Variants in CFAP61 observed in about 807,000 individuals in gnomAD.
CFAP61 encodes cilia- and flagella-associated protein 61.
Under a neutral mutation model 135.6 loss-of-function variants are expected in CFAP61, and 107 were observed. That is an observed-to-expected ratio of 0.79 (90% CI 0.67 to 0.93). CFAP61 has a LOEUF of 0.93. CFAP61 is among the 40% of genes least tolerant of loss of function. The pLI is 0.00. For missense variants in CFAP61, 1,507 were observed against 1,556.2 expected, an observed-to-expected ratio of 0.97 and a Z score of 0.53; for synonymous variants, 575 against 578.5, an observed-to-expected ratio of 0.99 and a Z score of 0.09.
chr20:20,263,157 CT>C, intron 21 of CFAP61, 27 bp downstream of exon 21: 7 of 1,551,230 alleles, frequency 4.5e-6, no homozygotes, highest in Non-Finnish European at 6.2e-6. Flanking sequence ...CTGTGCATCT[CT>C]TCAGAATAGC....
intron 23 of CFAP61, among the ~76,000 whole-genome samples, chr20:20,289,579 C>T (rs2054853688): frequency 6.6e-6 from 1 of 152,118 alleles, no homozygotes; most frequent in Non-Finnish European, 1.5e-5. Context: ...TAGATGAACC[C>T]ACAAAGCTGT....
Position 20,246,092 on chromosome 20 carries a change from C to T in CFAP61, c.2061-25C>T, listed in dbSNP as rs200739365. Reference sequence around the variant, plus strand: ...GCTAAATTGCACTTAACTGCTTGTTCTTTTTCATTTTTCTTTTTCTTTAGC... The same window carrying T: ...GCTAAATTGCACTTAACTGCTTGTTTTTTTTCATTTTTCTTTTTCTTTAGC... On this transcript the variant is annotated intron_variant, in intron 18 of 26. Transcript: ENST00000245957. The T allele has an allele frequency of 3.3e-3, 4,847 of 1,473,984 alleles. 16 individuals carry two copies. The highest frequency in any genetic ancestry group is 4.2e-3 in the Non-Finnish European group (4,424 of 1,062,352). The allele number at this position is 1,473,984 out of a possible 1,614,324, so 91.3% of individuals were successfully genotyped here.
intron 6 of CFAP61, among the ~76,000 whole-genome samples, chr20:20,085,694 T>C (rs985078933): frequency 1.3e-5 from 2 of 152,242 alleles, no homozygotes; most frequent in African/African-American, 4.8e-5. Flanking sequence ...CAGTTGATTG[T>C]GTGTGATTGC....
chr20:20,360,577 C>T lies in CFAP61; in HGVS notation c.*167C>T. The T allele has an allele frequency of 1.6e-6, 1 of 624,008 alleles. No individual in the cohort carries two copies. Among genetic ancestry groups the T allele is most frequent in the South Asian group, 2.0e-5 (1 of 50,160 alleles). The allele number at this position is 624,008 out of a possible 1,614,324, so 38.7% of individuals were successfully genotyped here. ...ACTTATGCCTGTAGTTTTCTATCAT[C>T]CCAGTAGGTGGCACACGGCCGTGTG... On this transcript the variant is annotated 3_prime_UTR_variant, in exon 27 of 27. Transcript: ENST00000245957.
intron 8 of CFAP61, among the ~76,000 whole-genome samples, chr20:20,140,801 T>G (rs540223760): frequency 1.3e-5 from 2 of 151,976 alleles, no homozygotes; most frequent in Non-Finnish European, 2.9e-5. Context: ...TAGCAAAGAC[T>G]TGGAACCAAC....
chr20:20,214,867 GT>G (rs1324389305), intron 17 of CFAP61, among the ~76,000 whole-genome samples: 8 of 152,210 alleles, frequency 5.3e-5, no homozygotes, highest in African/African-American at 1.9e-4. Context: ...CCTGCTTCCT[GT>G]TTAGGGCGCA....
intron 8 of CFAP61, among the ~76,000 whole-genome samples, chr20:20,138,156 T>C (rs2146737898): frequency 6.6e-6 from 1 of 152,194 alleles, no homozygotes; most frequent in South Asian, 2.1e-4. Flanking sequence ...CACTCCCCTC[T>C]CCTCTTTTCA....
chr20:20,164,171 G>A lies in CFAP61; in HGVS notation c.1148G>A (p.Gly383Glu), dbSNP rs137909316. 2.9e-4 allele frequency: 471 copies of A among 1,614,084 alleles called. No individual in the cohort carries two copies. The highest frequency in any genetic ancestry group is 3.8e-4 in the Non-Finnish European group (451 of 1,179,954). Residue 383 changes from glycine to glutamate, a missense_variant, in exon 11 of 27, where the codon GGA becomes GAA. Physicochemically the swap from Gly to Glu is moderately conservative, Grantham distance 98 (BLOSUM62 -2). Transcript: ENST00000245957. ...EPVHFRPIYR[G>E]ASAAFCIQLF... is the part of the protein sequence containing the mutation. ...GTCCACTTCCGCCCCATCTACAGGG[G>A]AGCCTCAGCTGCTTTTTGTATTCAG...
At chr20:20,249,068 C>T (rs1411057104) in intron 19 of CFAP61, among the ~76,000 whole-genome samples, 1 of 152,158 alleles carries the variant, frequency 6.6e-6, no homozygotes, top group African/African-American at 2.4e-5. Context: ...TCTCTCACCA[C>T]CAGGCCATGA....
intron 21 of CFAP61, 108 bp from the exon 22 acceptor site, chr20:20,277,058 A>C: frequency 3.6e-6 from 3 of 844,288 alleles, no homozygotes; most frequent in Non-Finnish European, 5.4e-6. Flanking sequence ...GGCTTCCTGC[A>C]GCTGAAAAAT....
In CFAP61 at chr20:20,192,295, C is replaced by T. The variant is rs553181862; in HGVS notation, c.1590+876C>T. On this transcript the variant is annotated intron_variant, in intron 15 of 26. Coordinates refer to ENST00000245957, the MANE Select transcript of CFAP61 (RefSeq NM_015585.4). The stretch of plus-strand genomic sequence containing the variant: ...GTTTTCTTTGCATCGTATTTTGTGC[C>T]ATATGAGTTTTTGTTTGTCCTGTGG... Among the ~76,000 whole-genome samples the T allele has an allele frequency of 2.0e-4, 30 of 152,112 alleles. No homozygotes were observed. The East Asian group carries it at 5.6e-3, about 28-fold the overall frequency.
At position 20,056,676 on chromosome 20, in the gene CFAP61, G is replaced by A. The variant is rs61744672; in HGVS notation, c.23G>A (p.Arg8Lys). The change falls in exon 2 of 27, where the codon AGA becomes AAA. Residue 8 changes from arginine to lysine, a missense_variant. Coordinates refer to ENST00000245957, the MANE Select transcript of CFAP61 (RefSeq NM_015585.4). MSVLTSP[R>K]GKVEVVHCRR... ...AAAATGTCAGTACTCACTTCTCCAA[G>A]AGGAAAGGTAGAAGTTGTTCATTGC... is the stretch of plus-strand genomic sequence containing the variant. 2.6e-3 allele frequency: 4,163 copies of A among 1,614,102 alleles called. 95 individuals are homozygous for A. The African/African-American group carries it at 0.047, about 18-fold the overall frequency.
At chr20:20,148,207 T>C (rs1425332979) in intron 9 of CFAP61, among the ~76,000 whole-genome samples, 1 of 152,236 alleles carries the variant, frequency 6.6e-6, no homozygotes, top group Non-Finnish European at 1.5e-5. Context: ...ATTTGTTCTT[T>C]TTGCTTAGTC....
intron 8 of CFAP61, among the ~76,000 whole-genome samples, chr20:20,136,609 T>G (rs2050950869): frequency 6.6e-6 from 1 of 152,192 alleles, no homozygotes; most frequent in African/African-American, 2.4e-5. Flanking sequence ...AAATTATTTG[T>G]TAAGTTTATC....
At chr20:20,323,030 C>T in intron 25 of CFAP61, 1 of 985,406 alleles carries the variant, frequency 1.0e-6, no homozygotes, top group Non-Finnish European at 1.2e-6. Context: ...TGAGATTATG[C>T]AGCTCTGACT....
chr20:20,090,740 C>T (rs2047133563), intron 6 of CFAP61, 104 bp from the exon 7 acceptor site: 1 of 1,015,554 alleles, frequency 9.8e-7, no homozygotes, highest in Non-Finnish European at 1.5e-6. Flanking sequence ...ATGAGTGTTG[C>T]TCTAGCCCCG....
In CFAP61 at chr20:20,231,111, G is replaced by A. The variant is rs556650802; in HGVS notation, c.2060+2735G>A. Among the ~76,000 whole-genome samples, 34 of 152,324 alleles carry A rather than the reference G, an allele frequency of 2.2e-4. No homozygotes were observed. The South Asian group carries it at 6.2e-3, about 28-fold the overall frequency. On this transcript the variant is annotated intron_variant, in intron 18 of 26. Coordinates refer to ENST00000245957, the MANE Select transcript of CFAP61 (RefSeq NM_015585.4). ...CTATCCTTTCTTCCCCAAGTGCTGAGGTGCTACTGGGAGAGCTGAAGTGCT... is the reference window on the plus strand; with the variant it reads ...CTATCCTTTCTTCCCCAAGTGCTGAAGTGCTACTGGGAGAGCTGAAGTGCT...
Position 20,257,628 on chromosome 20 carries a change from C to CA in CFAP61, c.2329-5316dup, listed in dbSNP as rs79177514. ...GACTGTCTCAAAAAAAACAAAAAAA[C>CA]AAAAAAAAAAAAGAAAAAGAAAGAA... On this transcript the variant is annotated intron_variant, in intron 20 of 26. Coordinates refer to ENST00000245957, the MANE Select transcript of CFAP61 (RefSeq NM_015585.4). 3.8e-3 allele frequency among the ~76,000 whole-genome samples: 140 copies of CA among 36,822 alleles called. 2 individuals are homozygous for CA. Among genetic ancestry groups the CA allele is most frequent in the Middle Eastern group, 0.028 (2 of 72 alleles). The allele number at this position is 36,822 out of a possible 152,430, so 24.2% of individuals were successfully genotyped here.
intron 26 of CFAP61, among the ~76,000 whole-genome samples, chr20:20,352,336 T>C (rs2058867727): frequency 6.6e-6 from 1 of 152,160 alleles, no homozygotes; most frequent in South Asian, 2.1e-4. Flanking sequence ...ACACCCACTA[T>C]CATGAGGACA....
Sources: gnomAD v4.1 joint callset for allele counts (sites outside exome capture counted in the v4.1 genomes callset) on GRCh38, gnomAD v4.1.1 for gene constraint, MANE v1.5 for transcripts, NCBI Gene and HGNC (gene_info 2026-07-23, HGNC 2026-07-21) for gene names.